Variants in VDAC1 observed in about 807,000 individuals in gnomAD.
VDAC1 encodes non-selective voltage-gated ion channel VDAC1.
A neutral mutation model predicts 34.7 loss-of-function variants in VDAC1; 10 were observed. The ratio of observed to expected loss-of-function variants is 0.29; its 90% CI spans 0.18 to 0.49. VDAC1 has a LOEUF of 0.49. Among genes scored for constraint, VDAC1 ranks in the 20% least tolerant of loss-of-function variants. VDAC1 has a pLI of 0.99. For missense variants in VDAC1, 230 were observed against 347.9 expected, an observed-to-expected ratio of 0.66 and a Z score of 2.69; for synonymous variants, 130 against 136.0, an observed-to-expected ratio of 0.96 and a Z score of 0.30.
chr5:134,079,332 T>C, the VDAC1 span, among the ~76,000 whole-genome samples: 7 of 152,316 alleles, frequency 4.6e-5, no homozygotes, highest in East Asian at 1.4e-3. Flanking sequence ...ATACGTGGAA[T>C]GGGACCAGGC....
At chr5:133,975,759 G>A in intron 7 of VDAC1, 112 bp downstream of exon 7, 1 of 1,501,512 alleles carries the variant, frequency 6.7e-7, no homozygotes, top group Non-Finnish European at 9.0e-7. Context: ...GCGCCCAGCA[G>A]CATCTCTCAC....
chr5:134,023,220 C>G, the VDAC1 span, among the ~76,000 whole-genome samples: 1 of 152,066 alleles, frequency 6.6e-6, no homozygotes, highest in Non-Finnish European at 1.5e-5. Flanking sequence ...CAAACTAACA[C>G]AGGAACAGAA....
chr5:134,092,016 ACT>A, the VDAC1 span, among the ~76,000 whole-genome samples: 4 of 151,968 alleles, frequency 2.6e-5, no homozygotes, highest in Non-Finnish European at 4.4e-5. Context: ...CCTTTGCGCC[ACT>A]CTCTGCTCGT....
At chr5:134,074,173 G>A in the VDAC1 span, among the ~76,000 whole-genome samples, 1 of 152,048 alleles carries the variant, frequency 6.6e-6, no homozygotes, top group Admixed American at 6.6e-5. Context: ...TTACTTGGGC[G>A]TGGTGGCAGG....
At chr5:134,077,138 G>C in the VDAC1 span, among the ~76,000 whole-genome samples, 1 of 151,918 alleles carries the variant, frequency 6.6e-6, no homozygotes, top group Non-Finnish European at 1.5e-5. Flanking sequence ...TTAGCCAGGC[G>C]TGGTGGCGTG....
At chr5:134,065,936 G>A in the VDAC1 span, among the ~76,000 whole-genome samples, 7 of 151,440 alleles carry the variant, frequency 4.6e-5, no homozygotes, top group Non-Finnish European at 1.0e-4. Flanking sequence ...TGGGATTACA[G>A]GCCCCCGCCA....
the VDAC1 span, among the ~76,000 whole-genome samples, chr5:134,018,704 A>C: frequency 6.6e-6 from 1 of 152,298 alleles, no homozygotes; most frequent in East Asian, 1.9e-4. Context: ...GCCACACCAG[A>C]TAAACGAACA....
rs776750309 is a variant in VDAC1 at position 133,992,948 on chromosome 5, T to C, written c.65A>G (p.Tyr22Cys). 1.2e-6 allele frequency: 2 copies of C among 1,613,646 alleles called. No individual in the cohort carries two copies. ...KSARDVFTKG[Y>C]GFGLIKLDLK... ...CACCCCCTCTCTGCAACACTCACCA[T>C]AGCCCTTGGTGAAGACATCCCTGGC... The change falls in exon 2 of 9, where the codon TAT (tyrosine) becomes TGT (cysteine). Residue 22 changes from tyrosine to cysteine, a missense_variant and splice_region_variant. Transcript: ENST00000265333.
At chr5:133,989,820 G>A (rs1012418708) in intron 5 of VDAC1, among the ~76,000 whole-genome samples, 1 of 152,164 alleles carries the variant, frequency 6.6e-6, no homozygotes, top group African/African-American at 2.4e-5. Flanking sequence ...GCGCCCACCA[G>A]GCGCAGCTAA....
chr5:134,053,374 C>T, the VDAC1 span, among the ~76,000 whole-genome samples: 1 of 152,230 alleles, frequency 6.6e-6, no homozygotes, highest in African/African-American at 2.4e-5. Flanking sequence ...CCGCACCCAC[C>T]ATGCCTGGGG....
chr5:134,007,114 C>T (rs1428211542), upstream of VDAC1, among the ~76,000 whole-genome samples: 5 of 151,978 alleles, frequency 3.3e-5, no homozygotes, highest in African/African-American at 1.2e-4. Context: ...CATGGTGGCA[C>T]ATGCCTATAA....
the VDAC1 span, among the ~76,000 whole-genome samples, chr5:134,065,928 G>C: frequency 6.6e-6 from 1 of 150,884 alleles, no homozygotes; most frequent in Non-Finnish European, 1.5e-5. Flanking sequence ...CGAGTAGCTG[G>C]GATTACAGGC....
the VDAC1 span, among the ~76,000 whole-genome samples, chr5:134,053,293 C>G: frequency 6.6e-6 from 1 of 152,200 alleles, no homozygotes; most frequent in Non-Finnish European, 1.5e-5. Flanking sequence ...GGTCACCCAG[C>G]AAGTCAGCAA....
rs554085643 is a variant in VDAC1 at position 133,995,024 on chromosome 5, C to G, written c.-6-2006G>C. Among the ~76,000 whole-genome samples, 91 of 152,314 alleles carry G rather than the reference C, an allele frequency of 6.0e-4. 1 individual carries two copies. Among genetic ancestry groups the G allele is most frequent in the African/African-American group, 1.6e-3 (65 of 41,570 alleles). ...CCCCGCTCAGGATAAAGGCAGAGCA[C>G]TCATCCATTAAATGTTCCCCAAATG... On this transcript the variant is annotated intron_variant, in intron 1 of 8. Coordinates refer to ENST00000265333, the MANE Select transcript of VDAC1 (RefSeq NM_003374.3).
chr5:134,045,680 CT>C, the VDAC1 span, among the ~76,000 whole-genome samples: 3,703 of 144,208 alleles, frequency 0.026, 129 homozygotes, highest in African/African-American at 0.082. Context: ...CAAGATTTTT[CT>C]TTTTTTTTTT....
the VDAC1 span, among the ~76,000 whole-genome samples, chr5:134,065,490 G>C: frequency 6.6e-6 from 1 of 151,256 alleles, no homozygotes; most frequent in Non-Finnish European, 1.5e-5. Context: ...ACAAGCGTGC[G>C]CCACCACACC....
intron 6 of VDAC1, chr5:133,976,405 T>C (rs1250981543): frequency 1.1e-5 from 2 of 175,084 alleles, no homozygotes; most frequent in East Asian, 1.6e-4. Context: ...CTCAAGAGGC[T>C]GAGGCAGGAG....
chr5:133,997,960 G>T (rs567047261), intron 1 of VDAC1, among the ~76,000 whole-genome samples: 1 of 151,834 alleles, frequency 6.6e-6, no homozygotes, highest in Non-Finnish European at 1.5e-5. Context: ...CCAGCTACTC[G>T]GGAGGCTGGG....
the VDAC1 span, among the ~76,000 whole-genome samples, chr5:134,089,242 G>A: frequency 4.6e-5 from 7 of 152,220 alleles, no homozygotes; most frequent in Admixed American, 1.3e-4. Flanking sequence ...TGAGCTGCTC[G>A]CCCCAGCCTC....
Sources: allele counts gnomAD v4.1 joint callset (sites outside exome capture counted in the v4.1 genomes callset), GRCh38; gene constraint gnomAD v4.1.1; transcripts MANE v1.5; gene names NCBI Gene and HGNC (gene_info 2026-07-23, HGNC 2026-07-21).